Variants in NDUFS6 observed in about 807,000 individuals in gnomAD.
The protein encoded by NDUFS6 is NADH dehydrogenase [ubiquinone] iron-sulfur protein 6, mitochondrial.
A neutral mutation model predicts 13.2 loss-of-function variants in NDUFS6; 14 were observed. The observed-to-expected ratio is 1.06, with a 90% CI of 0.70 to 1.66. NDUFS6 has a LOEUF of 1.66. Ranked by LOEUF, NDUFS6 falls within the 40% of genes most tolerant of loss-of-function variation. The pLI, the probability that NDUFS6 is intolerant of heterozygous loss-of-function variation, is 0.00. For missense variants in NDUFS6, 206 were observed against 170.8 expected (o/e 1.21, Z -1.15); for synonymous variants, 95 against 72.3 (o/e 1.31, Z -1.60).
chr5:1,810,536 C>T (rs778203333), intron 2 of NDUFS6, among the ~76,000 whole-genome samples: 1 of 152,188 alleles, frequency 6.6e-6, no homozygotes, highest in Non-Finnish European at 1.5e-5. Context: ...CCAAATTTGC[C>T]ATCGTGAGCA....
At position 1,815,861 on chromosome 5, in the gene NDUFS6, C is replaced by CAA; in HGVS notation, c.324_325dup (p.Thr109LysfsTer40). ...TTTGAATTTTTTCAGGACAAAGAAACAAAAACCGGCACATGCGGTTACTGT... is the reference window on the plus strand; with the variant it reads ...TTTGAATTTTTTCAGGACAAAGAAACAAAAAAACCGGCACATGCGGTTACTGT... On this transcript the variant is annotated frameshift_variant, in exon 4 of 4. Transcript: ENST00000274137. LOFTEE classifies it high-confidence loss of function. 1 of 1,614,162 alleles carries CAA rather than the reference C, an allele frequency of 6.2e-7. No individual in the cohort carries two copies. The highest frequency in any genetic ancestry group is 8.5e-7 in the Non-Finnish European group (1 of 1,180,020).
At chr5:1,804,779 A>AT (rs2111349663) in intron 2 of NDUFS6, among the ~76,000 whole-genome samples, 1 of 152,358 alleles carries the variant, frequency 6.6e-6, no homozygotes, top group East Asian at 1.9e-4. Flanking sequence ...GCCATCTCTC[A>AT]TTAGTGTGCT....
chr5:1,809,205 G>A (rs1000732230), intron 2 of NDUFS6, among the ~76,000 whole-genome samples: 1 of 152,166 alleles, frequency 6.6e-6, no homozygotes, highest in Non-Finnish European at 1.5e-5. Flanking sequence ...TCATTTTACA[G>A]AGGTTGGACA....
In NDUFS6 at chr5:1,802,316, TC is replaced by T. The variant is rs758863959; in HGVS notation, c.133-3del. On this transcript the variant is annotated splice_polypyrimidine_tract_variant and splice_region_variant and intron_variant, in intron 1 of 3. Transcript: ENST00000274137. ...GTCACACATGGTCTTTTTGTTTTTTTCCAGGTTTATGATGATAAAGACTACA... is the reference window on the plus strand; with the variant it reads ...GTCACACATGGTCTTTTTGTTTTTTTCAGGTTTATGATGATAAAGACTACA... 6.2e-7 allele frequency: 1 copy of T among 1,613,908 alleles called. No homozygotes were observed.
Position 1,814,363 on chromosome 5 carries a change from T to G in NDUFS6, c.211T>G (p.Leu71Val). Residue 71 changes from leucine (L) to valine (V), a missense_variant, in exon 3 of 4, where the codon TTG becomes GTG. Coordinates refer to ENST00000274137, the MANE Select transcript of NDUFS6 (RefSeq NM_004553.6). The surrounding 1 kb of genome is among the most constrained non-coding windows in gnomAD (Gnocchi z 4.9). Reference sequence around the variant, plus strand: ...GGTGAATGAAAACTTTGCCATTGATTTGATAGCAGAGCAGCCCGTGAGCGA... The same window carrying G: ...GGTGAATGAAAACTTTGCCATTGATGTGATAGCAGAGCAGCCCGTGAGCGA... ...KEVNENFAID[L>V]IAEQPVSEVE... 1.2e-6 allele frequency: 2 copies of G among 1,614,204 alleles called. No individual in the cohort carries two copies. Among genetic ancestry groups the G allele is most frequent in the East Asian group, 2.2e-5 (1 of 44,892 alleles).
At position 1,814,213 on chromosome 5, in the gene NDUFS6, A is replaced by G. The variant is rs1734265913; in HGVS notation, c.187-126A>G. The G allele has an allele frequency of 7.5e-7, 1 of 1,333,014 alleles. No individual in the cohort carries two copies. The highest frequency in any genetic ancestry group is 1.1e-6 in the Non-Finnish European group (1 of 933,380). The allele number at this position is 1,333,014 out of a possible 1,614,324, so 82.6% of individuals were successfully genotyped here. A position where few individuals can be genotyped will look rare whatever the true frequency, so the allele number is the denominator to read the frequency against. ...GAATTTAATAAGGTCTACAATGATA[A>G]TAGTTAAATGAAGCATGCACCATAG... On this transcript the variant is annotated intron_variant, in intron 2 of 3. Transcript: ENST00000274137. This position sits in a 1 kb window ranked among gnomAD's most constrained non-coding sequence, Gnocchi z 4.9.
intron 3 of NDUFS6, among the ~76,000 whole-genome samples, chr5:1,815,097 C>T (rs1301462887): frequency 1.3e-5 from 2 of 152,170 alleles, no homozygotes; most frequent in Non-Finnish European, 2.9e-5. Flanking sequence ...TTCTAACAAT[C>T]CCTATGTAAT....
intron 2 of NDUFS6, 44 bp downstream of exon 2, chr5:1,802,418 T>C: frequency 6.7e-7 from 1 of 1,497,142 alleles, no homozygotes. Context: ...TTCCTAAAAC[T>C]TTTATGTAAC....
rs115959140 is a variant in NDUFS6 at position 1,809,687 on chromosome 5, C to T, written c.187-4652C>T. Among the ~76,000 whole-genome samples, 552 of 152,348 alleles carry T rather than the reference C, an allele frequency of 3.6e-3. 5 individuals are homozygous for T. The highest frequency in any genetic ancestry group is 0.012 in the African/African-American group (502 of 41,592). ...ATCGGGGCCTGGCAGTTTGTTAGTG[C>T]GGCCTTTGTGACACGTTGTCACTTA... is the stretch of plus-strand genomic sequence containing the variant. On this transcript the variant is annotated intron_variant, in intron 2 of 3. Coordinates refer to ENST00000274137, the MANE Select transcript of NDUFS6 (RefSeq NM_004553.6).
chr5:1,810,714 C>G (rs1007874613), intron 2 of NDUFS6, among the ~76,000 whole-genome samples: 2 of 152,178 alleles, frequency 1.3e-5, no homozygotes, highest in Non-Finnish European at 2.9e-5. Flanking sequence ...CAGTCTGGCT[C>G]AGCTCCTCTA....
Position 1,814,430 on chromosome 5 carries a change from C to G in NDUFS6, c.278C>G (p.Ala93Gly), listed in dbSNP as rs1314643534. 6.2e-7 allele frequency: 1 copy of G among 1,614,170 alleles called. No individual in the cohort carries two copies. Residue 93 changes from alanine (A) to glycine (G), a missense_variant, in exon 3 of 4, where the codon GCT becomes GGT. By Grantham distance (60) the Ala-to-Gly change is moderately conservative. Coordinates refer to ENST00000274137, the MANE Select transcript of NDUFS6 (RefSeq NM_004553.6). This position sits in a 1 kb window ranked among gnomAD's most constrained non-coding sequence, Gnocchi z 4.9. ...RVIACDGGGGALGHPKVYINL... is the reference protein window; with the variant it reads ...RVIACDGGGGGLGHPKVYINL... ...ATAGCGTGCGATGGCGGCGGGGGAG[C>G]TCTTGGCCACCCAAAAGTGTATATA...
intron 2 of NDUFS6, among the ~76,000 whole-genome samples, chr5:1,809,765 A>G (rs1734189433): frequency 6.6e-6 from 1 of 152,356 alleles, no homozygotes; most frequent in East Asian, 1.9e-4. Context: ...GGTTAGTTGC[A>G]TCGCCTGCAG....
Position 1,815,970 on chromosome 5 carries a change from A to T in NDUFS6, c.*54A>T. 2 of 1,591,408 alleles carry T rather than the reference A, an allele frequency of 1.3e-6. No homozygotes were observed. The highest frequency in any genetic ancestry group is 1.7e-6 in the Non-Finnish European group (2 of 1,159,184). ...CATCCTGTGAGCATTTCCGCGGGGA[A>T]GCTGAGCACGTGAAGCTCGCTGGTT... On this transcript the variant is annotated 3_prime_UTR_variant, in exon 4 of 4. Transcript: ENST00000274137.
intron 2 of NDUFS6, among the ~76,000 whole-genome samples, chr5:1,812,466 C>T (rs1222685209): frequency 2.4e-5 from 3 of 124,550 alleles, no homozygotes; most frequent in Admixed American, 9.0e-5. Flanking sequence ...CAGTTATAAT[C>T]CCCTTGTCCC....
chr5:1,802,253 G>C (rs1734057779), intron 1 of NDUFS6, 68 bp from the exon 2 acceptor site: 1 of 1,390,276 alleles, frequency 7.2e-7, no homozygotes, highest in Non-Finnish European at 1.0e-6. Flanking sequence ...TAATATTTAT[G>C]ATTGATATGA....
At chr5:1,802,279 TA>T (rs1358537119) in intron 1 of NDUFS6, 41 bp from the exon 2 acceptor site, 3 of 1,538,898 alleles carry the variant, frequency 1.9e-6, no homozygotes, top group Non-Finnish European at 2.7e-6. Context: ...CTTTCAGAAT[TA>T]GGCCGTAAAA....
chr5:1,810,520 A>C (rs937775768), intron 2 of NDUFS6, among the ~76,000 whole-genome samples: 1 of 152,240 alleles, frequency 6.6e-6, no homozygotes, highest in Non-Finnish European at 1.5e-5. Context: ...TCCCCTTTCC[A>C]AGTTCCCAAA....
rs1249260190 is a variant in NDUFS6 at position 1,801,453 on chromosome 5, C to T, written c.36C>T (p.Asn12=). 3 of 1,605,042 alleles carry T rather than the reference C, an allele frequency of 1.9e-6. No individual in the cohort carries two copies. The highest frequency in any genetic ancestry group is 1.7e-4 in the Middle Eastern group (1 of 6,008). Residue 12 remains asparagine, a synonymous_variant, in exon 1 of 4, where the codon AAC becomes AAT. Transcript: ENST00000274137. ...AAAMTFCRLL[N]RCGEAARSLP... ...CGATGACCTTCTGCCGGCTGCTGAA[C>T]CGGTGTGGCGAGGCGGCGCGGAGCC...
chr5:1,806,267 G>T (rs1039075426), intron 2 of NDUFS6, among the ~76,000 whole-genome samples: 1 of 152,208 alleles, frequency 6.6e-6, no homozygotes, highest in African/African-American at 2.4e-5. Context: ...TTCAGCTTGT[G>T]CCTTCATCTG....
Sources: gnomAD v4.1 joint callset for allele counts (sites outside exome capture counted in the v4.1 genomes callset) on GRCh38, gnomAD v4.1.1 for gene constraint, Gnocchi (gnomAD v3.1) non-coding constraint, MANE v1.5 for transcripts, NCBI Gene and HGNC (gene_info 2026-07-23, HGNC 2026-07-21) for gene names.